HPS3: variants seen among roughly 807,000 people sequenced by gnomAD.
HPS3 encodes HPS3 biogenesis of lysosomal organelles complex 2 subunit 1.
HPS3 carries 79 observed loss-of-function variants against 110.9 expected under a neutral mutation model. That is an observed-to-expected ratio of 0.71 (90% CI 0.59 to 0.86). The LOEUF (loss-of-function observed/expected upper bound fraction) is 0.86, where lower values mean the gene tolerates loss of function less well. HPS3 is among the 40% of genes least tolerant of loss of function. HPS3 has a pLI of 0.00. For synonymous variants in HPS3, 428 were observed against 451.0 expected (o/e 0.95, Z 0.65); for missense variants, 1,197 against 1,206.2 (o/e 0.99, Z 0.11).
rs78336249 is a variant in HPS3, at chr3:149,162,256, G to A, written c.2215G>A (p.Gly739Arg). 0.014 allele frequency: 23,367 copies of A among 1,613,918 alleles called. 223 individuals are homozygous for A. Among genetic ancestry groups the A allele is most frequent in the Non-Finnish European group, 0.018 (20,932 of 1,179,894 alleles). Residue 739 changes from glycine to arginine, a missense_variant, in exon 12 of 17, where the codon GGA (glycine) becomes AGA (arginine). By Grantham distance (125) the Gly-to-Arg change is moderately radical. Coordinates refer to ENST00000296051, the MANE Select transcript of HPS3 (RefSeq NM_032383.5). ...ACTTCACTTGAAGGAAACTCAGCCTGGATTGCTTGTGGCTTCAGTTCTGGG... is the reference window on the plus strand; with the variant it reads ...ACTTCACTTGAAGGAAACTCAGCCTAGATTGCTTGTGGCTTCAGTTCTGGG... Reference protein sequence around the residue: ...LALHLKETQPGLLVASVLGLQ... With the variant: ...LALHLKETQPRLLVASVLGLQ...
chr3:149,173,718 C>T lies in HPS3; in HGVS notation c.*1496C>T. ...CTTATCACCAATTTATTTCATTCAG[C>T]CAGATTTGGTGTCTATAGAAAAAGA... is the stretch of plus-strand genomic sequence containing the variant. On this transcript the variant is annotated 3_prime_UTR_variant, in exon 17 of 17. Transcript: ENST00000296051. 1.4e-6 allele frequency: 2 copies of T among 1,449,622 alleles called. No homozygotes were observed. The highest frequency in any genetic ancestry group is 1.4e-5 in the African/African-American group (1 of 71,266). 89.8% of individuals were successfully genotyped at this position (1,449,622 alleles called of 1,614,324 possible). A position where few individuals can be genotyped will look rare whatever the true frequency, so the allele number is the denominator to read the frequency against.
chr3:149,131,473 T>G (rs1232690159), intron 1 of HPS3, among the ~76,000 whole-genome samples: 2 of 152,216 alleles, frequency 1.3e-5, no homozygotes. Flanking sequence ...ATTGTATCTA[T>G]TACGGTGATC....
intron 13 of HPS3, among the ~76,000 whole-genome samples, chr3:149,163,475 TG>T (rs912258770): frequency 1.8e-4 from 28 of 152,292 alleles, no homozygotes; most frequent in African/African-American, 6.5e-4. Context: ...CAGGGCTTCT[TG>T]GGGATTGTCT....
intron 2 of HPS3, among the ~76,000 whole-genome samples, chr3:149,140,795 C>T (rs1339399015): frequency 6.6e-6 from 1 of 152,278 alleles, no homozygotes. Context: ...CTCTGAGTTT[C>T]AACATCCTCA....
intron 16 of HPS3, among the ~76,000 whole-genome samples, chr3:149,171,174 A>T (rs1397287217): frequency 6.6e-6 from 1 of 152,098 alleles, no homozygotes; most frequent in Non-Finnish European, 1.5e-5. Context: ...GCTATTTGGG[A>T]GGCTGAGGCA....
intron 16 of HPS3, among the ~76,000 whole-genome samples, chr3:149,168,649 T>C (rs970316250): frequency 6.6e-6 from 1 of 152,156 alleles, no homozygotes; most frequent in Non-Finnish European, 1.5e-5. Context: ...GCCGAGTCAG[T>C]GGCCACTGGA....
intron 1 of HPS3, among the ~76,000 whole-genome samples, chr3:149,133,289 A>T (rs904147987): frequency 1.3e-5 from 2 of 151,470 alleles, no homozygotes; most frequent in Non-Finnish European, 2.9e-5. Flanking sequence ...TTATTTTTTT[A>T]TTTTATTTTA....
In HPS3 at chr3:149,154,057, G is replaced by A. The variant is rs934429139; in HGVS notation, c.1400+409G>A. On this transcript the variant is annotated intron_variant, in intron 7 of 16. Coordinates refer to ENST00000296051, the MANE Select transcript of HPS3 (RefSeq NM_032383.5). ...TGATATTATGAAAGAAATTAATAATGTATGTCTTACCTTAAAGCACATTTA... is the reference window on the plus strand; with the variant it reads ...TGATATTATGAAAGAAATTAATAATATATGTCTTACCTTAAAGCACATTTA... 12 of 207,338 alleles carry A rather than the reference G, an allele frequency of 5.8e-5. No homozygotes were observed. The Admixed American group carries it at 6.5e-4, about 11-fold the overall frequency. 12.8% of individuals were successfully genotyped at this position (207,338 alleles called of 1,614,324 possible). A position where few individuals can be genotyped will look rare whatever the true frequency, so the allele number is the denominator to read the frequency against.
rs1240578317 is a variant in HPS3 at position 149,172,876 on chromosome 3, CTT to C, written c.*655_*656del. 2.7e-5 allele frequency: 4 copies of C among 149,730 alleles called. No homozygotes were observed. Among genetic ancestry groups the C allele is most frequent in the African/African-American group, 5.2e-5 (2 of 38,680 alleles). 9.3% of individuals were successfully genotyped at this position (149,730 alleles called of 1,614,324 possible). A position where few individuals can be genotyped will look rare whatever the true frequency, so the allele number is the denominator to read the frequency against. On this transcript the variant is annotated 3_prime_UTR_variant, in exon 17 of 17. Coordinates refer to ENST00000296051, the MANE Select transcript of HPS3 (RefSeq NM_032383.5). The stretch of plus-strand genomic sequence containing the variant: ...AATGCATGTTTTTTTCAGCCAAAGC[CTT>C]GTTTCCATTTTTGTTGATGTGTACT...
intron 16 of HPS3, among the ~76,000 whole-genome samples, chr3:149,170,907 G>A (rs1052966533): frequency 6.6e-6 from 1 of 152,124 alleles, no homozygotes; most frequent in African/African-American, 2.4e-5. Context: ...CCGGGAGAGG[G>A]CAGCATGTAT....
intron 13 of HPS3, 125 bp from the exon 14 acceptor site, chr3:149,163,717 C>T: frequency 1.6e-6 from 1 of 610,966 alleles, no homozygotes; most frequent in Non-Finnish European, 2.9e-6. Flanking sequence ...CTTCCCATTC[C>T]CAGGAAAGTA....
chr3:149,155,307 G>A (rs984096398), intron 8 of HPS3, 92 bp downstream of exon 8: 7 of 805,218 alleles, frequency 8.7e-6, no homozygotes, highest in East Asian at 2.5e-5. Context: ...CATTCAGGAT[G>A]CCACAGCCAT....
Position 149,158,844 on chromosome 3 carries a change from G to A in HPS3, c.1870G>A (p.Glu624Lys), listed in dbSNP as rs200079039. The A allele has an allele frequency of 3.2e-6, 5 of 1,562,842 alleles. No homozygotes were observed. The highest frequency in any genetic ancestry group is 4.4e-6 in the Non-Finnish European group (5 of 1,133,770). Residue 624 changes from glutamate to lysine, a missense_variant and splice_region_variant, in exon 10 of 17, where the codon GAA (glutamate) becomes AAA (lysine). Physicochemically the swap from Glu to Lys is moderately conservative, Grantham distance 56 (BLOSUM62 1). Coordinates refer to ENST00000296051, the MANE Select transcript of HPS3 (RefSeq NM_032383.5). ...TGAAAACCTGGATGAAGAATTAAAT[G>A]AAGTGATTATAGTTTTCTGTTTTCT... ...LYENLDEELNEELAAKVVQMF... is the reference protein window; with the variant it reads ...LYENLDEELNKELAAKVVQMF...
chr3:149,168,026 A>T, intron 16 of HPS3, 43 bp downstream of exon 16: 1 of 1,169,978 alleles, frequency 8.5e-7, no homozygotes, highest in Non-Finnish European at 1.3e-6. Flanking sequence ...CTTAAGTTTC[A>T]GTTTTAAATT....
intron 16 of HPS3, chr3:149,168,247 G>A (rs887526724): frequency 2.5e-5 from 10 of 405,566 alleles, no homozygotes; most frequent in Non-Finnish European, 4.1e-5. Flanking sequence ...GACAGCATCA[G>A]TGTTTTAAAA....
rs1722355732 is a variant in HPS3 at position 149,140,237 on chromosome 3, G to A, written c.451G>A (p.Gly151Ser). Residue 151 changes from glycine to serine, a missense_variant, in exon 2 of 17, where the codon GGC becomes AGC. Transcript: ENST00000296051. ...CCCTGTGAAAGGAGACCTTCTCGTTGGCTGCACAAATAAATTAGTCTTATT... is the reference window on the plus strand; with the variant it reads ...CCCTGTGAAAGGAGACCTTCTCGTTAGCTGCACAAATAAATTAGTCTTATT... ...CCPVKGDLLVGCTNKLVLFSL... is the reference protein window; with the variant it reads ...CCPVKGDLLVSCTNKLVLFSL... 6.2e-7 allele frequency: 1 copy of A among 1,614,116 alleles called. No homozygotes were observed. The highest frequency in any genetic ancestry group is 8.5e-7 in the Non-Finnish European group (1 of 1,180,034).
chr3:149,155,680 T>C (rs1176677713), intron 8 of HPS3, among the ~76,000 whole-genome samples: 1 of 152,204 alleles, frequency 6.6e-6, no homozygotes, highest in East Asian at 1.9e-4. Context: ...CTTACTGATC[T>C]AAGAGTGACA....
At position 149,173,341 on chromosome 3, in the gene HPS3, G is replaced by C. The variant is rs370247691; in HGVS notation, c.*1119G>C. ...AGCATGTTAGAAGGATCAATGGGAA[G>C]GCAATGATTGAAAACATTTCAATGA... On this transcript the variant is annotated 3_prime_UTR_variant, in exon 17 of 17. Coordinates refer to ENST00000296051, the MANE Select transcript of HPS3 (RefSeq NM_032383.5). 3.5e-4 allele frequency: 57 copies of C among 162,050 alleles called. 2 individuals are homozygous for C. The Middle Eastern group carries it at 0.03, about 86-fold the overall frequency. The allele number at this position is 162,050 out of a possible 1,614,324, so 10.0% of individuals were successfully genotyped here.
rs774355427 is a variant in HPS3 at position 149,141,273 on chromosome 3, C to A, written c.885-22C>A. The A allele has an allele frequency of 1.9e-6, 3 of 1,607,276 alleles. No homozygotes were observed. The South Asian group carries it at 3.3e-5, about 18-fold the overall frequency. On this transcript the variant is annotated intron_variant, in intron 3 of 16. Coordinates refer to ENST00000296051, the MANE Select transcript of HPS3 (RefSeq NM_032383.5). ...ACATGGAAGTTATATTTTTCCCTTT[C>A]TCTGTCTTTTTAAACCCACAGACGT...
Sources: gnomAD v4.1 joint callset for allele counts (sites outside exome capture counted in the v4.1 genomes callset) on GRCh38, gnomAD v4.1.1 for gene constraint, MANE v1.5 for transcripts, NCBI Gene and HGNC (gene_info 2026-07-23, HGNC 2026-07-21) for gene names.